The following IL1RAPL1 variants were observed in gnomAD, a reference collection of about 807,000 sequenced individuals.
IL1RAPL1 encodes the protein interleukin-1 receptor accessory protein-like 1.
In IL1RAPL1, 3 loss-of-function variants were observed where a neutral mutation model predicts 48.4. The ratio of observed to expected loss-of-function variants is 0.06; its 90% CI spans 0.03 to 0.16. IL1RAPL1 has a LOEUF of 0.16. IL1RAPL1 is among the 10% of genes least tolerant of loss of function. The pLI is 1.00. For synonymous variants in IL1RAPL1, 185 were observed against 187.7 expected (o/e 0.99, Z 0.12); for missense variants, 349 against 530.6 (o/e 0.66, Z 3.36).
chrX:29,151,350 G>C lies in IL1RAPL1; in HGVS notation c.83-131588G>C, dbSNP rs541613658. Among the ~76,000 whole-genome samples the C allele has an allele frequency of 9.8e-5, 11 of 111,993 alleles. No homozygotes were observed. In the South Asian group the frequency reaches 4.1e-3, roughly 42 times the overall value. On this transcript the variant is annotated intron_variant, in intron 2 of 10. Coordinates refer to ENST00000378993, the MANE Select transcript of IL1RAPL1 (RefSeq NM_014271.4). ...CTTTCAAAATGTTTTTAATCCTGCT[G>C]CTTCTGTGTAGTTTTGAACTGGATA...
intron 2 of IL1RAPL1, among the ~76,000 whole-genome samples, chrX:29,014,526 T>G (rs1020850128): frequency 9.0e-6 from 1 of 111,378 alleles, no homozygotes; most frequent in South Asian, 3.7e-4. Flanking sequence ...TTAGTTGCCC[T>G]TGATTTTATA....
At chrX:29,547,747 T>G (rs1921675545) in intron 5 of IL1RAPL1, among the ~76,000 whole-genome samples, 1 of 111,888 alleles carries the variant, frequency 8.9e-6, no homozygotes, top group Non-Finnish European at 1.9e-5. Context: ...CTAAATAAGG[T>G]TCCAAATATG....
intron 6 of IL1RAPL1, among the ~76,000 whole-genome samples, chrX:29,673,379 A>G (rs1031549139): frequency 8.9e-6 from 1 of 111,871 alleles, no homozygotes; most frequent in African/African-American, 3.2e-5. Flanking sequence ...GACAGTTCCC[A>G]GAGATAGGAA....
chrX:29,544,199 G>A lies in IL1RAPL1; in HGVS notation c.704-124231G>A, dbSNP rs149448331. Among the ~76,000 whole-genome samples, 24 of 111,512 alleles carry A rather than the reference G, an allele frequency of 2.2e-4. No homozygotes were observed. The East Asian group carries it at 5.9e-3, about 28-fold the overall frequency. On this transcript the variant is annotated intron_variant, in intron 5 of 10. Transcript: ENST00000378993. ...TATCCCTGCCAAACAATTCTCTTTC[G>A]TGGGAATTTGGTTTAAACCAGTTCT...
intron 3 of IL1RAPL1, among the ~76,000 whole-genome samples, chrX:29,326,800 G>A (rs1227238922): frequency 9.0e-6 from 1 of 111,670 alleles, no homozygotes; most frequent in African/African-American, 3.3e-5. Flanking sequence ...TACAATTTAT[G>A]TGACTTCCCA....
chrX:29,722,552 CTATT>C (rs1927663243), intron 6 of IL1RAPL1, among the ~76,000 whole-genome samples: 1 of 111,908 alleles, frequency 8.9e-6, no homozygotes, highest in Non-Finnish European at 1.9e-5. Flanking sequence ...TTTTGAGATG[CTATT>C]TATAGTATGT....
intron 5 of IL1RAPL1, among the ~76,000 whole-genome samples, chrX:29,492,502 T>C (rs1208918361): frequency 1.8e-5 from 2 of 111,727 alleles, no homozygotes; most frequent in Admixed American, 9.5e-5. Flanking sequence ...CTTCCAGAAG[T>C]TTCTCACATT....
intron 1 of IL1RAPL1, among the ~76,000 whole-genome samples, chrX:28,606,279 T>C (rs953284271): frequency 8.9e-6 from 1 of 112,197 alleles, no homozygotes; most frequent in African/African-American, 3.2e-5. Flanking sequence ...AATAAGATAA[T>C]GCAGTTAGAG....
At chrX:28,677,955 CCTT>C (rs1209490751) in intron 1 of IL1RAPL1, among the ~76,000 whole-genome samples, 4 of 111,315 alleles carry the variant, frequency 3.6e-5, no homozygotes, top group Non-Finnish European at 5.7e-5. Context: ...TCTACCACCT[CCTT>C]CTTTTCCTCC....
In IL1RAPL1 at chrX:29,782,887, C is replaced by CTTTTTT. The variant is rs1569167260; in HGVS notation, c.778+114383_778+114384insTTTTTT. 3.0e-4 allele frequency among the ~76,000 whole-genome samples: 18 copies of CTTTTTT among 59,846 alleles called. 5 individuals carry two copies. The highest frequency in any genetic ancestry group is 1.1e-3 in the African/African-American group (17 of 15,460). 52.0% of individuals were successfully genotyped at this position (59,846 alleles called of 115,157 possible). ...GGAAGATAAAATGGGTTGATCGTGACATTTTTTTTTTTTTTTTTTTTTTTT... is the reference window on the plus strand; with the variant it reads ...GGAAGATAAAATGGGTTGATCGTGACTTTTTTATTTTTTTTTTTTTTTTTTTTTTTT... On this transcript the variant is annotated intron_variant, in intron 6 of 10. Transcript: ENST00000378993.
chrX:29,235,623 T>A (rs1402644594), intron 2 of IL1RAPL1, among the ~76,000 whole-genome samples: 1 of 111,844 alleles, frequency 8.9e-6, no homozygotes, highest in African/African-American at 3.3e-5. Context: ...GTTAACAAAT[T>A]ATGTAAGAAA....
chrX:29,702,354 C>T (rs1037395688), intron 6 of IL1RAPL1, among the ~76,000 whole-genome samples: 2 of 111,024 alleles, frequency 1.8e-5, no homozygotes, highest in East Asian at 5.6e-4. Context: ...ATGGGAGGCT[C>T]ACACAATCAC....
chrX:29,824,918 T>A (rs1202652978), intron 6 of IL1RAPL1, among the ~76,000 whole-genome samples: 1 of 107,255 alleles, frequency 9.3e-6, no homozygotes, highest in Non-Finnish European at 1.9e-5. Flanking sequence ...TTTTTTTTTT[T>A]AAGCCAGGAG....
chrX:29,048,061 C>T (rs768228892), intron 2 of IL1RAPL1, among the ~76,000 whole-genome samples: 1 of 111,490 alleles, frequency 9.0e-6, no homozygotes, highest in South Asian at 3.8e-4. Flanking sequence ...GGGAAGCACT[C>T]CTGCAACTTT....
chrX:29,512,389 C>T (rs950067312), intron 5 of IL1RAPL1, among the ~76,000 whole-genome samples: 1 of 111,404 alleles, frequency 9.0e-6, no homozygotes, highest in African/African-American at 3.3e-5. Flanking sequence ...ATTATTACTT[C>T]GTTCTAAAAT....
chrX:29,191,324 G>A (rs1425532895), intron 2 of IL1RAPL1, among the ~76,000 whole-genome samples: 1 of 111,455 alleles, frequency 9.0e-6, no homozygotes, highest in Non-Finnish European at 1.9e-5. Context: ...AGTGTATTGG[G>A]CTATTGTTCC....
At chrX:29,097,775 T>G (rs956304548) in intron 2 of IL1RAPL1, among the ~76,000 whole-genome samples, 7 of 112,219 alleles carry the variant, frequency 6.2e-5, no homozygotes, top group African/African-American at 2.3e-4. Context: ...CCACCTCTTA[T>G]GTGCAATTGT....
chrX:29,650,275 A>G (rs1754962125), intron 5 of IL1RAPL1, among the ~76,000 whole-genome samples: 1 of 111,962 alleles, frequency 8.9e-6, no homozygotes, highest in African/African-American at 3.2e-5. Flanking sequence ...AGAACAAAGA[A>G]TCCAATAGGT....
At chrX:29,160,497 C>G (rs1432779448) in intron 2 of IL1RAPL1, among the ~76,000 whole-genome samples, 1 of 111,679 alleles carries the variant, frequency 9.0e-6, no homozygotes, top group Non-Finnish European at 1.9e-5. Context: ...GATACTACTA[C>G]TAATAAAACT....
Sources: gnomAD v4.1 joint callset for allele counts (sites outside exome capture counted in the v4.1 genomes callset) on GRCh38, gnomAD v4.1.1 for gene constraint, MANE v1.5 for transcripts, NCBI Gene and HGNC (gene_info 2026-07-23, HGNC 2026-07-21) for gene names.